Variants in ELK3 observed in about 807,000 individuals in gnomAD.
ELK3 encodes the protein ETS domain-containing protein Elk-3.
ELK3 carries 10 observed loss-of-function variants against 28.9 expected under a neutral mutation model. The ratio of observed to expected loss-of-function variants is 0.35; its 90% CI spans 0.21 to 0.59. The LOEUF is 0.59. ELK3 is among the 20% of genes least tolerant of loss of function. ELK3 has a pLI of 0.82. For synonymous variants in ELK3, 272 were observed against 243.5 expected, an observed-to-expected ratio of 1.12 and a Z score of -1.09; for missense variants, 463 against 517.3, an observed-to-expected ratio of 0.90 and a Z score of 1.02.
rs186902193 is a variant in ELK3, at chr12:96,258,916, A to G, written c.1003-815A>G. Among the ~76,000 whole-genome samples the G allele has an allele frequency of 6.9e-3, 1,053 of 152,354 alleles. 5 individuals carry two copies. The highest frequency in any genetic ancestry group is 0.02 in the Middle Eastern group (6 of 294). Reference sequence around the variant, plus strand: ...GGAAGGAATCTGGAAAACCCGGCTCAGAGCTTCTGAAGAGGCTGCTACAGG... The same window carrying G: ...GGAAGGAATCTGGAAAACCCGGCTCGGAGCTTCTGAAGAGGCTGCTACAGG... On this transcript the variant is annotated intron_variant, in intron 3 of 4. Coordinates refer to ENST00000228741, the MANE Select transcript of ELK3 (RefSeq NM_005230.4).
chr12:96,202,904 A>G (rs1333453807), intron 1 of ELK3, among the ~76,000 whole-genome samples: 1 of 151,340 alleles, frequency 6.6e-6, no homozygotes, highest in East Asian at 2.0e-4. Flanking sequence ...ACACAGGAAC[A>G]TGAGATGGAG....
intron 1 of ELK3, among the ~76,000 whole-genome samples, chr12:96,213,178 G>A (rs1378709319): frequency 6.6e-6 from 1 of 152,208 alleles, no homozygotes; most frequent in Non-Finnish European, 1.5e-5. Context: ...TTGGCGCAGT[G>A]CCATGCTTTT....
Position 96,247,733 on chromosome 12 carries a change from A to T in ELK3, c.1001A>T (p.Gln334Leu), listed in dbSNP as rs1258873868. The change falls in exon 3 of 5, where the codon CAG becomes CTG. Residue 334 changes from glutamine to leucine, a missense_variant and splice_region_variant. Coordinates refer to ENST00000228741, the MANE Select transcript of ELK3 (RefSeq NM_005230.4). This position sits in a 1 kb window ranked among gnomAD's most constrained non-coding sequence, Gnocchi z 5.5. ...GSLTPAFFTA[Q>L]TPNGLLLTPS... The stretch of plus-strand genomic sequence containing the variant: ...CTCACCCCAGCCTTCTTCACCGCAC[A>T]GGTAAGAGTCATTCCTGTCATCTAA... 1.3e-6 allele frequency: 2 copies of T among 1,553,756 alleles called. No individual in the cohort carries two copies. The highest frequency in any genetic ancestry group is 2.8e-5 in the African/African-American group (2 of 72,474).
intron 1 of ELK3, among the ~76,000 whole-genome samples, chr12:96,221,262 G>A (rs1271854264): frequency 6.6e-6 from 1 of 152,230 alleles, no homozygotes; most frequent in African/African-American, 2.4e-5. Flanking sequence ...GCAATGAAAA[G>A]TGATTCTGTG....
intron 2 of ELK3, among the ~76,000 whole-genome samples, chr12:96,244,326 A>AT (rs1394090423): frequency 6.6e-6 from 1 of 152,060 alleles, no homozygotes; most frequent in Non-Finnish European, 1.5e-5. Flanking sequence ...GTTCCCAACC[A>AT]TTTTTTGAGC....
At chr12:96,231,386 T>G (rs1026130451) in intron 2 of ELK3, among the ~76,000 whole-genome samples, 5 of 152,234 alleles carry the variant, frequency 3.3e-5, no homozygotes, top group African/African-American at 7.2e-5. Context: ...GCGGGGCCCA[T>G]GCCCAGAGCA....
intron 2 of ELK3, among the ~76,000 whole-genome samples, chr12:96,244,289 A>T (rs1400060207): frequency 1.3e-5 from 2 of 152,114 alleles, no homozygotes. Context: ...CAGCAAGGCC[A>T]TATGATCTGT....
intron 1 of ELK3, among the ~76,000 whole-genome samples, chr12:96,221,624 A>C (rs1461066748): frequency 6.6e-6 from 1 of 152,202 alleles, no homozygotes; most frequent in African/African-American, 2.4e-5. Flanking sequence ...AGTGAAGAGA[A>C]GAAAGTTGTG....
intron 2 of ELK3, among the ~76,000 whole-genome samples, chr12:96,231,814 T>A (rs1045452350): frequency 6.6e-6 from 1 of 152,168 alleles, no homozygotes; most frequent in Non-Finnish European, 1.5e-5. Context: ...CCACCTCCAG[T>A]TGACACGGCC....
intron 2 of ELK3, among the ~76,000 whole-genome samples, chr12:96,243,296 T>TCTCAGCCCTAGGTAACCATG (rs1399066074): frequency 1.3e-5 from 2 of 152,176 alleles, no homozygotes; most frequent in Admixed American, 1.3e-4. Context: ...CTTCCACCCC[T>TCTCAGCCCTAGGTAACCATG]CTCAGCCCTA....
chr12:96,258,517 C>T (rs1219803945), intron 3 of ELK3, among the ~76,000 whole-genome samples: 1 of 152,232 alleles, frequency 6.6e-6, no homozygotes, highest in African/African-American at 2.4e-5. Context: ...AACACTTTAG[C>T]ATCCAGCATG....
In ELK3 at chr12:96,267,361, G is replaced by A. The variant is rs548024974; in HGVS notation, c.*181G>A. 1.5e-4 allele frequency: 76 copies of A among 499,788 alleles called. No homozygotes were observed. The highest frequency in any genetic ancestry group is 1.3e-3 in the African/African-American group (65 of 51,204). The allele number at this position is 499,788 out of a possible 1,614,324, so 31.0% of individuals were successfully genotyped here. ...TAAAAACTGTTTTTGATATATTCAA[G>A]TATATATGAAAATCTGTTTGGCATT... On this transcript the variant is annotated 3_prime_UTR_variant, in exon 5 of 5. Coordinates refer to ENST00000228741, the MANE Select transcript of ELK3 (RefSeq NM_005230.4).
At chr12:96,214,933 C>T (rs1232452444) in intron 1 of ELK3, among the ~76,000 whole-genome samples, 5 of 152,148 alleles carry the variant, frequency 3.3e-5, no homozygotes, top group African/African-American at 1.2e-4. Flanking sequence ...ATAGCAGATA[C>T]TGGCAGAGGA....
At chr12:96,225,819 A>G (rs922568165) in intron 2 of ELK3, among the ~76,000 whole-genome samples, 2 of 152,150 alleles carry the variant, frequency 1.3e-5, no homozygotes, top group African/African-American at 4.8e-5. Context: ...GGGTATTACA[A>G]CCTAAGAAGT....
intron 2 of ELK3, among the ~76,000 whole-genome samples, chr12:96,227,156 G>A (rs1951708451): frequency 1.3e-5 from 2 of 152,070 alleles, no homozygotes; most frequent in Admixed American, 1.3e-4. Context: ...GTGCCACCCT[G>A]AACTTCAAGC....
At chr12:96,258,483 C>T (rs913759646) in intron 3 of ELK3, among the ~76,000 whole-genome samples, 10 of 152,170 alleles carry the variant, frequency 6.6e-5, no homozygotes, top group Admixed American at 2.0e-4. Flanking sequence ...AATGATGCTA[C>T]GGAGGCCAAT....
At chr12:96,257,964 C>G (rs1254862182) in intron 3 of ELK3, among the ~76,000 whole-genome samples, 3 of 152,244 alleles carry the variant, frequency 2.0e-5, no homozygotes. Context: ...ATAACTGCCT[C>G]TGGCACTTGT....
At chr12:96,198,624 T>C (rs1194198639) in intron 1 of ELK3, among the ~76,000 whole-genome samples, 2 of 152,216 alleles carry the variant, frequency 1.3e-5, no homozygotes, top group Admixed American at 6.5e-5. Context: ...GAATAGTATC[T>C]TCTAAAGGTT....
At chr12:96,210,884 T>C (rs1951573807) in intron 1 of ELK3, among the ~76,000 whole-genome samples, 1 of 152,200 alleles carries the variant, frequency 6.6e-6, no homozygotes, top group Non-Finnish European at 1.5e-5. Context: ...TAGGAATGTA[T>C]TTCCCACGCA....
Sources: gnomAD v4.1 joint callset for allele counts (sites outside exome capture counted in the v4.1 genomes callset) on GRCh38, gnomAD v4.1.1 for gene constraint, Gnocchi (gnomAD v3.1) non-coding constraint, MANE v1.5 for transcripts, NCBI Gene and HGNC (gene_info 2026-07-23, HGNC 2026-07-21) for gene names.